STRA6: variants seen among roughly 807,000 people sequenced by gnomAD.
The protein encoded by STRA6 is receptor for retinol uptake STRA6.
A neutral mutation model predicts 83.6 loss-of-function variants in STRA6; 48 were observed. The ratio of observed to expected loss-of-function variants is 0.57; its 90% CI spans 0.46 to 0.73. The LOEUF (loss-of-function observed/expected upper bound fraction) is 0.73. Ranked by LOEUF, STRA6 falls within the 30% of genes least tolerant of loss-of-function variation. The probability of loss-of-function intolerance (pLI) is 0.00; values close to 1 mark genes in which losing one functional copy is unlikely to be tolerated. For missense variants in STRA6, 760 were observed against 838.8 expected (o/e 0.91, Z 1.16); for synonymous variants, 353 against 362.3 (o/e 0.97, Z 0.29).
intron 8 of STRA6, 33 bp downstream of exon 8, chr15:74,193,767 G>A (rs755022129): frequency 1.2e-6 from 2 of 1,611,848 alleles, no homozygotes; most frequent in East Asian, 2.2e-5. Context: ...CTTGGGTGCT[G>A]AGGAAGAGCT....
chr15:74,201,371 G>C (rs1251010065), intron 2 of STRA6, among the ~76,000 whole-genome samples: 1 of 152,176 alleles, frequency 6.6e-6, no homozygotes, highest in African/African-American at 2.4e-5. Context: ...GATGGGGCCA[G>C]GCCTGGGAAC....
chr15:74,180,695 T>C, intron 18 of STRA6, 87 bp downstream of exon 18: 1 of 1,512,852 alleles, frequency 6.6e-7, no homozygotes, highest in South Asian at 1.3e-5. Flanking sequence ...TTCCTGGCGC[T>C]CACTCTGTGT....
upstream of STRA6, chr15:74,202,876 A>T (rs2074146767): frequency 1.2e-5 from 12 of 1,013,048 alleles, no homozygotes; most frequent in Non-Finnish European, 1.4e-5. Context: ...GGTGATGGAA[A>T]TACACCATAA....
upstream of STRA6, chr15:74,202,976 C>T (rs1007263007): frequency 4.3e-4 from 426 of 986,342 alleles, 1 homozygote; most frequent in Non-Finnish European, 5.0e-4. Context: ...GCCACCCCCA[C>T]CCCCGCACCT....
chr15:74,180,758 C>T (rs1473464542), intron 18 of STRA6, 24 bp downstream of exon 18: 6 of 1,597,374 alleles, frequency 3.8e-6, no homozygotes, highest in Non-Finnish European at 5.1e-6. Context: ...GCTCTATTCC[C>T]CCATTCCCAG....
At chr15:74,185,960 A>G (rs1439812164) in intron 12 of STRA6, among the ~76,000 whole-genome samples, 2 of 152,320 alleles carry the variant, frequency 1.3e-5, no homozygotes, top group African/African-American at 4.8e-5. Context: ...TGCCCGTGTC[A>G]CCACCAGAAT....
At chr15:74,192,724 A>C (rs2073608092) in intron 8 of STRA6, among the ~76,000 whole-genome samples, 2 of 152,182 alleles carry the variant, frequency 1.3e-5, no homozygotes. Context: ...TCTGAAGAGA[A>C]GCCACGCCCT....
At chr15:74,207,436 CACTCAAACTCTGGCAA>C (rs2074284776), upstream of STRA6, among the ~76,000 whole-genome samples, 4 of 152,130 alleles carry the variant, frequency 2.6e-5, no homozygotes, top group South Asian at 6.2e-4. Context: ...CACCTCAGGA[CACTCAAACTCTGGCAA>C]ACTCAAACTC....
chr15:74,191,435 C>G lies in STRA6; in HGVS notation c.777G>C (p.Lys259Asn). 6.2e-7 allele frequency: 1 copy of G among 1,614,182 alleles called. No individual in the cohort carries two copies. Among genetic ancestry groups the G allele is most frequent in the Non-Finnish European group, 8.5e-7 (1 of 1,180,024 alleles). The change falls in exon 9 of 19, where the codon AAG becomes AAC. Residue 259 changes from lysine to asparagine, a missense_variant. Coordinates refer to ENST00000395105, the MANE Select transcript of STRA6 (RefSeq NM_022369.4). ...EYLRNLLCRK[K>N]LGSSYHTSKH... The stretch of plus-strand genomic sequence containing the variant: ...GTCAGAGACCCCACCTGCTTCCCAG[C>G]TTCTTCCTGCAAAGGAGGTTCCTCA...
At chr15:74,193,410 A>G (rs1252796391) in intron 8 of STRA6, among the ~76,000 whole-genome samples, 2 of 152,078 alleles carry the variant, frequency 1.3e-5, no homozygotes, top group Non-Finnish European at 2.9e-5. Flanking sequence ...GTTGACTCAT[A>G]ATGGAGTTCT....
In STRA6 at chr15:74,193,911, G is replaced by A; in HGVS notation, c.609C>T (p.Tyr203=). The change falls in exon 8 of 19, where the codon TAC becomes TAT. Residue 203 remains tyrosine (Y), a synonymous_variant. Transcript: ENST00000395105. ...GAGGCAGGGAGGCCAGCAGGGAGTAGTACTTGTAGATCTGGACAGACAAAC... is the reference window on the plus strand; with the variant it reads ...GAGGCAGGGAGGCCAGCAGGGAGTAATACTTGTAGATCTGGACAGACAAAC... ...ECPQVPKIYK[Y]YSLLASLPLL... 1 of 1,613,556 alleles carries A rather than the reference G, an allele frequency of 6.2e-7. No individual in the cohort carries two copies. The highest frequency in any genetic ancestry group is 2.2e-5 in the East Asian group (1 of 44,870).
chr15:74,188,107 G>A lies in STRA6; in HGVS notation c.1090+1008C>T, dbSNP rs973401749. Among the ~76,000 whole-genome samples the A allele has an allele frequency of 1.3e-5, 2 of 152,336 alleles. No homozygotes were observed. The highest frequency in any genetic ancestry group is 4.8e-5 in the African/African-American group (2 of 41,582). On this transcript the variant is annotated intron_variant, in intron 12 of 18. Transcript: ENST00000395105. The surrounding 1 kb of genome is among the most constrained non-coding windows in gnomAD (Gnocchi z 4.5). ...AGTTCCAGGGCAGCCTCTAGTACGG[G>A]AACTGAGGTGCTCACGGAGATGGTG...
At chr15:74,197,954 C>T in intron 2 of STRA6, 136 bp from the exon 3 acceptor site, 2 of 882,860 alleles carry the variant, frequency 2.3e-6, no homozygotes, top group South Asian at 1.4e-5. Flanking sequence ...CCTACACAAG[C>T]CTTCCCAGTC....
At chr15:74,211,338 A>G (rs1170378524), upstream of STRA6, among the ~76,000 whole-genome samples, 1 of 151,524 alleles carries the variant, frequency 6.6e-6, no homozygotes, top group Non-Finnish European at 1.5e-5. Context: ...TCTGTCTGAT[A>G]ACACAGCAGA....
At position 74,179,480 on chromosome 15, in the gene STRA6, G is replaced by A. The variant is rs1275498663; in HGVS notation, c.*600C>T. 4 of 153,036 alleles carry A rather than the reference G, an allele frequency of 2.6e-5. No individual in the cohort carries two copies. Among genetic ancestry groups the A allele is most frequent in the African/African-American group, 9.6e-5 (4 of 41,474 alleles). 9.5% of individuals were successfully genotyped at this position (153,036 alleles called of 1,614,324 possible). On this transcript the variant is annotated 3_prime_UTR_variant, in exon 19 of 19. Transcript: ENST00000395105. ...TATGAGGACAGTTTCTCAGGAACAA[G>A]TTTATTGCAGGGAACACACTAACCT...
intron 13 of STRA6, 105 bp from the exon 14 acceptor site, chr15:74,184,094 A>C: frequency 3.2e-4 from 485 of 1,523,878 alleles, no homozygotes; most frequent in Non-Finnish European, 4.0e-4. Context: ...ATTTCAACTC[A>C]CAGCCATCAG....
At chr15:74,194,056 T>C (rs376781884) in intron 7 of STRA6, 134 bp from the exon 8 acceptor site, 470 of 1,444,228 alleles carry the variant, frequency 3.3e-4, no homozygotes, top group Middle Eastern at 2.9e-3. Flanking sequence ...TTCAGCTCTA[T>C]GGTTCCCAAC....
chr15:74,181,600 T>C, intron 16 of STRA6, 142 bp from the exon 17 acceptor site: 1 of 1,174,296 alleles, frequency 8.5e-7, no homozygotes, highest in Non-Finnish European at 1.2e-6. Flanking sequence ...CACCCCACCC[T>C]GGGCAAGGCC....
intron 14 of STRA6, 31 bp downstream of exon 14, chr15:74,183,825 A>C: frequency 6.2e-7 from 1 of 1,613,732 alleles, no homozygotes; most frequent in South Asian, 1.1e-5. Context: ...GCCCAGGCCA[A>C]GGCTGGGTGT....
Sources: gnomAD v4.1 joint callset for allele counts (sites outside exome capture counted in the v4.1 genomes callset) on GRCh38, gnomAD v4.1.1 for gene constraint, Gnocchi (gnomAD v3.1) non-coding constraint, MANE v1.5 for transcripts, NCBI Gene and HGNC (gene_info 2026-07-23, HGNC 2026-07-21) for gene names.